NLGN1: variants seen among roughly 807,000 people sequenced by gnomAD.
NLGN1 encodes the protein neuroligin 1, also known as neuroligin-1.
A neutral mutation model predicts 65.5 loss-of-function variants in NLGN1; 12 were observed. That is an observed-to-expected ratio of 0.18 (90% CI 0.12 to 0.30). NLGN1 has a LOEUF of 0.30. Ranked by LOEUF, NLGN1 falls within the 10% of genes least tolerant of loss-of-function variation. The pLI is 1.00. For synonymous variants in NLGN1, 350 were observed against 359.5 expected (o/e 0.97, Z 0.30); for missense variants, 750 against 1,007.1 (o/e 0.74, Z 3.46).
At chr3:174,002,940 A>C (rs867518343) in intron 4 of NLGN1, among the ~76,000 whole-genome samples, 88 of 152,340 alleles carry the variant, frequency 5.8e-4, no homozygotes, top group African/African-American at 2.0e-3. Context: ...TTTATCCATC[A>C]ATTGTCAATG....
chr3:173,813,895 G>A (rs1718489253), intron 4 of NLGN1, among the ~76,000 whole-genome samples: 1 of 152,226 alleles, frequency 6.6e-6, no homozygotes, highest in South Asian at 2.1e-4. Flanking sequence ...TTTGAAACGT[G>A]ACAATACAGG....
chr3:173,831,295 G>T (rs554717349), intron 4 of NLGN1, among the ~76,000 whole-genome samples: 1 of 152,046 alleles, frequency 6.6e-6, no homozygotes, highest in Non-Finnish European at 1.5e-5. Flanking sequence ...TTTGAAAAAG[G>T]TATATATCAA....
In NLGN1 at chr3:173,552,354, G is replaced by GT. The variant is rs201995715; in HGVS notation, c.-320-51915dup. ...AACTATGCAGAAATAATTTGAGAGA[G>GT]TTTTTTTTTTCTCAAAGGATCTATG... On this transcript the variant is annotated intron_variant, in intron 2 of 6. Transcript: ENST00000457714. 4.8e-3 allele frequency among the ~76,000 whole-genome samples: 724 copies of GT among 149,938 alleles called. 3 individuals carry two copies. Among genetic ancestry groups the GT allele is most frequent in the African/African-American group, 9.8e-3 (400 of 40,878 alleles).
chr3:174,254,857 A>G (rs1245072064), intron 4 of NLGN1, among the ~76,000 whole-genome samples: 4 of 152,204 alleles, frequency 2.6e-5, no homozygotes, highest in African/African-American at 9.6e-5. Context: ...CTATATTTGT[A>G]TTTAGGCTAT....
intron 4 of NLGN1, among the ~76,000 whole-genome samples, chr3:173,865,782 G>A (rs1476769477): frequency 2.0e-5 from 3 of 152,138 alleles, no homozygotes; most frequent in Admixed American, 6.6e-5. Context: ...TGAATGATCC[G>A]AAAGAAGGCT....
intron 3 of NLGN1, among the ~76,000 whole-genome samples, chr3:173,672,973 G>A (rs969378045): frequency 2.0e-5 from 3 of 152,274 alleles, no homozygotes; most frequent in African/African-American, 7.2e-5. Context: ...CTCTCTCAGA[G>A]TAAAGGGATT....
Position 173,498,094 on chromosome 3 carries a change from T to C in NLGN1, c.-321+63016T>C, listed in dbSNP as rs956511852. On this transcript the variant is annotated intron_variant, in intron 2 of 6. Transcript: ENST00000457714. ...TATACTTTAAGTTTTAGGGTACATG[T>C]GCACAACGTGCAGGTTTGTTACATA... Among the ~76,000 whole-genome samples, 12 of 151,764 alleles carry C rather than the reference T, an allele frequency of 7.9e-5. 1 individual carries two copies. Among genetic ancestry groups the C allele is most frequent in the African/African-American group, 1.2e-4 (5 of 41,066 alleles).
At chr3:174,173,121 G>A (rs931723093) in intron 4 of NLGN1, among the ~76,000 whole-genome samples, 1 of 151,932 alleles carries the variant, frequency 6.6e-6, no homozygotes, top group African/African-American at 2.4e-5. Context: ...ATGGTTGGCT[G>A]TTGGCATATA....
intron 3 of NLGN1, among the ~76,000 whole-genome samples, chr3:173,803,495 G>T (rs1715929775): frequency 1.3e-5 from 2 of 151,946 alleles, no homozygotes; most frequent in Admixed American, 1.3e-4. Context: ...ATAATCTCAG[G>T]TACTCCGGAG....
chr3:174,058,377 C>T (rs1288231924), intron 4 of NLGN1, among the ~76,000 whole-genome samples: 1 of 152,054 alleles, frequency 6.6e-6, no homozygotes, highest in Admixed American at 6.6e-5. Context: ...TAGATAAAAG[C>T]ATCTGAATTG....
chr3:174,108,666 G>A (rs1168439494), intron 4 of NLGN1, among the ~76,000 whole-genome samples: 1 of 152,032 alleles, frequency 6.6e-6, no homozygotes, highest in Non-Finnish European at 1.5e-5. Context: ...TTACTAAGAG[G>A]AAACATCAGG....
At chr3:173,930,087 G>A (rs1185744869) in intron 4 of NLGN1, among the ~76,000 whole-genome samples, 7 of 152,286 alleles carry the variant, frequency 4.6e-5, no homozygotes, top group Non-Finnish European at 8.8e-5. Flanking sequence ...CAAAAAACTA[G>A]TAGGTGCTAG....
In NLGN1 at chr3:173,451,499, C is replaced by T. The variant is rs190689435; in HGVS notation, c.-321+16421C>T. Among the ~76,000 whole-genome samples, 607 of 152,286 alleles carry T rather than the reference C, an allele frequency of 4.0e-3. 6 individuals are homozygous for T. The highest frequency in any genetic ancestry group is 0.014 in the African/African-American group (564 of 41,548). On this transcript the variant is annotated intron_variant, in intron 2 of 6. Coordinates refer to ENST00000457714, the Ensembl canonical transcript of NLGN1. The stretch of plus-strand genomic sequence containing the variant: ...GGGGGTGCCTCCCAGTTAGGCTACT[C>T]GGGGGTCAGGGACCCACTTGAGGAG...
At chr3:174,050,610 T>C (rs1734615008) in intron 4 of NLGN1, among the ~76,000 whole-genome samples, 1 of 152,076 alleles carries the variant, frequency 6.6e-6, no homozygotes, top group Admixed American at 6.6e-5. Context: ...CGTGGCCTGG[T>C]GCAGAGAGTA....
chr3:173,606,158 A>T (rs995828806), intron 3 of NLGN1, among the ~76,000 whole-genome samples: 1 of 152,016 alleles, frequency 6.6e-6, no homozygotes, highest in Non-Finnish European at 1.5e-5. Context: ...TCCAGAGGAG[A>T]ATGAGATTTT....
intron 4 of NLGN1, among the ~76,000 whole-genome samples, chr3:174,049,324 T>C (rs1734303852): frequency 6.6e-6 from 1 of 152,098 alleles, no homozygotes; most frequent in Admixed American, 6.6e-5. Context: ...TGAAAAGGTA[T>C]TCAAGATTTT....
chr3:174,258,794 A>G (rs1746283739), intron 4 of NLGN1, among the ~76,000 whole-genome samples: 1 of 152,196 alleles, frequency 6.6e-6, no homozygotes, highest in African/African-American at 2.4e-5. Flanking sequence ...AAAGGACTAA[A>G]TAGAAAACTA....
intron 2 of NLGN1, among the ~76,000 whole-genome samples, chr3:173,522,655 G>A (rs1041785645): frequency 6.6e-6 from 1 of 151,996 alleles, no homozygotes; most frequent in Admixed American, 6.6e-5. Flanking sequence ...GGATGGTCTC[G>A]ATCTCCTGAC....
intron 2 of NLGN1, among the ~76,000 whole-genome samples, chr3:173,499,260 G>A (rs1416412319): frequency 1.3e-5 from 2 of 151,764 alleles, no homozygotes; most frequent in African/African-American, 4.9e-5. Context: ...TCCAGTTTCA[G>A]CTTTCTACAT....
Sources: allele counts gnomAD v4.1 joint callset (sites outside exome capture counted in the v4.1 genomes callset), GRCh38; gene constraint gnomAD v4.1.1; transcripts MANE v1.5; gene names NCBI Gene and HGNC (gene_info 2026-07-23, HGNC 2026-07-21).